Variants in PRDM16 observed in about 807,000 individuals in gnomAD.
PRDM16 encodes PR/SET domain 16, also known as histone-lysine N-methyltransferase PRDM16.
In PRDM16, 23 loss-of-function variants were observed where a neutral mutation model predicts 110.6. The ratio of observed to expected loss-of-function variants is 0.21; its 90% CI spans 0.15 to 0.29. The LOEUF (loss-of-function observed/expected upper bound fraction) is 0.29. Among genes scored for constraint, PRDM16 ranks in the 10% least tolerant of loss-of-function variants. PRDM16 has a pLI of 1.00. For synonymous variants in PRDM16, 799 were observed against 781.8 expected (o/e 1.02, Z -0.37); for missense variants, 1,615 against 1,794.3 (o/e 0.90, Z 1.81).
In PRDM16 at chr1:3,436,350, G is replaced by T. The variant is rs987197489; in HGVS notation, c.*2539G>T. On this transcript the variant is annotated 3_prime_UTR_variant, in exon 17 of 17. Transcript: ENST00000270722. ...CCCCCAGTCCCATCCCGCCGTTTTCGGCTGTCTTCCTAACCGTCCTGTCTT... is the reference window on the plus strand; with the variant it reads ...CCCCCAGTCCCATCCCGCCGTTTTCTGCTGTCTTCCTAACCGTCCTGTCTT... 1 of 230,560 alleles carries T rather than the reference G, an allele frequency of 4.3e-6. No homozygotes were observed. 14.3% of individuals were successfully genotyped at this position (230,560 alleles called of 1,614,324 possible). A position where few individuals can be genotyped will look rare whatever the true frequency, so the allele number is the denominator to read the frequency against.
chr1:3,217,416 T>C (rs748988097), intron 2 of PRDM16, among the ~76,000 whole-genome samples: 1 of 152,200 alleles, frequency 6.6e-6, no homozygotes, highest in Admixed American at 6.5e-5. Flanking sequence ...AGGGATCTCA[T>C]GGGAACAGCC....
intron 8 of PRDM16, among the ~76,000 whole-genome samples, chr1:3,405,899 CAG>C (rs908892550): frequency 2.0e-5 from 3 of 152,222 alleles, no homozygotes; most frequent in Non-Finnish European, 4.4e-5. Flanking sequence ...CTTCACCTCA[CAG>C]GGGCTGGAGG....
rs964996083 is a variant in PRDM16 at position 3,350,649 on chromosome 1, C to G, written c.439-34503C>G. 6.6e-6 allele frequency among the ~76,000 whole-genome samples: 1 copy of G among 152,110 alleles called. No homozygotes were observed. Reference sequence around the variant, plus strand: ...CCAGGGCTCGGGCACAGCTTGGCTCCATGCAGGGCCCTGGGAGCACCCAGA... The same window carrying G: ...CCAGGGCTCGGGCACAGCTTGGCTCGATGCAGGGCCCTGGGAGCACCCAGA... On this transcript the variant is annotated intron_variant, in intron 3 of 16. Transcript: ENST00000270722. The surrounding 1 kb of genome is among the most constrained non-coding windows in gnomAD (Gnocchi z 7.1).
intron 3 of PRDM16, among the ~76,000 whole-genome samples, chr1:3,299,472 A>G (rs12723823): frequency 7.7e-5 from 6 of 78,262 alleles, no homozygotes; most frequent in Admixed American, 1.4e-4. Flanking sequence ...TGAAGATGCT[A>G]TGCTGTGGCT....
At chr1:3,323,412 C>T (rs933130431) in intron 3 of PRDM16, among the ~76,000 whole-genome samples, 2 of 152,230 alleles carry the variant, frequency 1.3e-5, no homozygotes, top group Admixed American at 6.5e-5. Flanking sequence ...AAGCGATGAG[C>T]GGAAGCTGTT....
At chr1:3,234,189 A>C (rs1312626520) in intron 2 of PRDM16, among the ~76,000 whole-genome samples, 2 of 152,044 alleles carry the variant, frequency 1.3e-5, no homozygotes, top group Non-Finnish European at 2.9e-5. Flanking sequence ...TCCCTGACTC[A>C]TCCCCCTGTT....
chr1:3,360,397 C>G (rs911143242), intron 3 of PRDM16, among the ~76,000 whole-genome samples: 8 of 152,184 alleles, frequency 5.3e-5, no homozygotes. Context: ...GAAACAGAGG[C>G]TAAGAACTAT....
chr1:3,420,910 G>A (rs1420475838), intron 12 of PRDM16, among the ~76,000 whole-genome samples: 1 of 152,018 alleles, frequency 6.6e-6, no homozygotes, highest in Non-Finnish European at 1.5e-5. Flanking sequence ...GTCACAGCCT[G>A]GATGCGAGCA....
At chr1:3,329,753 C>T (rs544954903) in intron 3 of PRDM16, among the ~76,000 whole-genome samples, 2 of 152,224 alleles carry the variant, frequency 1.3e-5, no homozygotes, top group Admixed American at 1.3e-4. Flanking sequence ...CAGGGGCACC[C>T]CAGGCCGTGC....
Position 3,206,446 on chromosome 1 carries a change from T to C in PRDM16, c.387+19972T>C, listed in dbSNP as rs1638754817. 1 of 151,726 alleles carries C rather than the reference T, an allele frequency of 6.6e-6. No individual in the cohort carries two copies. Among genetic ancestry groups the C allele is most frequent in the African/African-American group, 2.4e-5 (1 of 41,250 alleles). The allele number at this position is 151,726 out of a possible 1,614,324, so 9.4% of individuals were successfully genotyped here. A position where few individuals can be genotyped will look rare whatever the true frequency, so the allele number is the denominator to read the frequency against. On this transcript the variant is annotated intron_variant, in intron 2 of 16. Transcript: ENST00000270722. The surrounding 1 kb of genome is among the most constrained non-coding windows in gnomAD (Gnocchi z 4.9). ...GCTCCGAGACGGGAAGTGATTGGAG[T>C]GTAGGCGTGAGGTCCCGGTGCTGGA...
At chr1:3,111,971 G>C (rs970497592) in intron 1 of PRDM16, among the ~76,000 whole-genome samples, 1 of 152,180 alleles carries the variant, frequency 6.6e-6, no homozygotes, top group Non-Finnish European at 1.5e-5. Flanking sequence ...CTGATGGGCC[G>C]GCGCGGCGGC....
At chr1:3,224,511 C>G (rs1319634098) in intron 2 of PRDM16, among the ~76,000 whole-genome samples, 1 of 152,150 alleles carries the variant, frequency 6.6e-6, no homozygotes, top group East Asian at 1.9e-4. Context: ...TCTGCACGCA[C>G]CCACAGCCAC....
At chr1:3,405,751 G>A (rs1643551638) in intron 8 of PRDM16, 103 bp downstream of exon 8, 2 of 1,256,980 alleles carry the variant, frequency 1.6e-6, no homozygotes, top group East Asian at 2.8e-5. Context: ...GATCCGAGGG[G>A]CCCCAGTTTG....
At chr1:3,292,940 G>A (rs12030781) in intron 3 of PRDM16, among the ~76,000 whole-genome samples, 3,706 of 152,306 alleles carry the variant, frequency 0.024, 254 homozygotes, top group East Asian at 0.24. Context: ...TTTGTCTTCT[G>A]TGGGTTGACC....
chr1:3,210,850 A>G (rs1638867831), intron 2 of PRDM16, among the ~76,000 whole-genome samples: 1 of 152,048 alleles, frequency 6.6e-6, no homozygotes, highest in South Asian at 2.1e-4. Context: ...TTATTCACTC[A>G]TTAGAGATAT....
At chr1:3,236,731 G>A (rs1274084312) in intron 2 of PRDM16, among the ~76,000 whole-genome samples, 2 of 152,244 alleles carry the variant, frequency 1.3e-5, no homozygotes, top group Non-Finnish European at 2.9e-5. Context: ...GGTGAGCCCG[G>A]GTTAGCACTC....
At chr1:3,230,921 AGATGAGCCACC>A (rs748562508) in intron 2 of PRDM16, among the ~76,000 whole-genome samples, 29 of 152,194 alleles carry the variant, frequency 1.9e-4, no homozygotes, top group Non-Finnish European at 3.4e-4. Context: ...GAGCAGGGAC[AGATGAGCCACC>A]TCTGCTCGTG....
At chr1:3,282,594 G>A (rs1453020715) in intron 3 of PRDM16, among the ~76,000 whole-genome samples, 6 of 152,172 alleles carry the variant, frequency 3.9e-5, no homozygotes, top group Admixed American at 2.0e-4. Context: ...AGGGAAATGG[G>A]GAAAGACTTA....
chr1:3,094,691 G>A lies in PRDM16; in HGVS notation c.37+25395G>A, dbSNP rs367699175. ...TGAACAGACTCCTTTCACAGAACAC[G>A]CAGACATTCTGTGAGCACCGGCCCA... On this transcript the variant is annotated intron_variant, in intron 1 of 16. Transcript: ENST00000270722. Among the ~76,000 whole-genome samples the A allele has an allele frequency of 7.2e-5, 11 of 152,250 alleles. No individual in the cohort carries two copies. In the East Asian group the frequency reaches 9.6e-4, roughly 13 times the overall value.
Sources: allele counts gnomAD v4.1 joint callset (sites outside exome capture counted in the v4.1 genomes callset), GRCh38; gene constraint gnomAD v4.1.1; non-coding constraint Gnocchi (gnomAD v3.1); transcripts MANE v1.5; gene names NCBI Gene and HGNC (gene_info 2026-07-23, HGNC 2026-07-21).